Variants in NIPBL observed in about 807,000 individuals in gnomAD.
NIPBL encodes the protein NIPBL cohesin loading factor.
Under a neutral mutation model 321.8 loss-of-function variants are expected in NIPBL, and 19 were observed. That is an observed-to-expected ratio of 0.06 (90% CI 0.04 to 0.09). The LOEUF (loss-of-function observed/expected upper bound fraction) is 0.09, where lower values mean the gene tolerates loss of function less well. Ranked by LOEUF, NIPBL falls within the 10% of genes least tolerant of loss-of-function variation. NIPBL has a pLI of 1.00. For synonymous variants in NIPBL, 1,106 were observed against 1,114.1 expected (o/e 0.99, Z 0.14); for missense variants, 2,210 against 3,327.0 (o/e 0.66, Z 8.26).
intron 9 of NIPBL, among the ~76,000 whole-genome samples, chr5:36,980,625 G>A (rs1314103025): frequency 1.3e-5 from 2 of 151,468 alleles, no homozygotes; most frequent in African/African-American, 4.8e-5. Flanking sequence ...TTATAGCCTG[G>A]GAGCAATAAG....
intron 40 of NIPBL, among the ~76,000 whole-genome samples, chr5:37,049,642 A>C (rs1016795816): frequency 2.6e-5 from 4 of 152,242 alleles, no homozygotes; most frequent in African/African-American, 9.6e-5. Context: ...AACTGGGTTT[A>C]AAAGTATAAT....
chr5:37,020,423 T>G (rs1436972260), intron 25 of NIPBL, 36 bp from the exon 26 acceptor site: 2 of 1,412,412 alleles, frequency 1.4e-6, no homozygotes, highest in Admixed American at 1.7e-5. Flanking sequence ...TTGTTGCTAA[T>G]TTCATCAAGC....
intron 43 of NIPBL, 67 bp downstream of exon 43, chr5:37,057,399 T>C (rs1038203142): frequency 2.8e-6 from 4 of 1,438,272 alleles, no homozygotes; most frequent in African/African-American, 1.4e-5. Flanking sequence ...TTCACTGTTT[T>C]GTTTCTCATT....
chr5:37,041,908 TCAAATGAATATCTTACC>T (rs1752430585), intron 34 of NIPBL, among the ~76,000 whole-genome samples: 1 of 151,864 alleles, frequency 6.6e-6, no homozygotes, highest in African/African-American at 2.4e-5. Context: ...GCACTGGTTC[TCAAATGAATATCTTACC>T]CAACAAAAAT....
intron 4 of NIPBL, among the ~76,000 whole-genome samples, chr5:36,958,702 A>G (rs1008672866): frequency 6.6e-6 from 1 of 152,114 alleles, no homozygotes. Flanking sequence ...AAATTGATTC[A>G]TGGTATTATA....
At chr5:36,961,378 TC>T in intron 4 of NIPBL, 105 bp from the exon 5 acceptor site, 1 of 757,730 alleles carries the variant, frequency 1.3e-6, no homozygotes, top group Non-Finnish European at 2.4e-6. Context: ...AAAACATTGA[TC>T]AAAAAAATCT....
intron 45 of NIPBL, among the ~76,000 whole-genome samples, chr5:37,062,368 T>A (rs1359346124): frequency 1.3e-5 from 2 of 152,208 alleles, no homozygotes; most frequent in African/African-American, 2.4e-5. Context: ...TATGTTCTTA[T>A]ATGAGTAATG....
At chr5:36,983,663 A>G (rs762462896) in intron 9 of NIPBL, among the ~76,000 whole-genome samples, 4 of 152,022 alleles carry the variant, frequency 2.6e-5, no homozygotes, top group Non-Finnish European at 4.4e-5. Flanking sequence ...TCAAGGTGCT[A>G]TAATGTAACC....
At chr5:36,988,017 T>A (rs1282160783) in intron 10 of NIPBL, among the ~76,000 whole-genome samples, 1 of 152,130 alleles carries the variant, frequency 6.6e-6, no homozygotes. Context: ...TGGTACCCTC[T>A]TGTTCCTTTG....
In NIPBL at chr5:36,952,018, C is replaced by CTGTGTGTGTGTGTGTG. The variant is rs60067315; in HGVS notation, c.-79-1579_-79-1564dup. On this transcript the variant is annotated intron_variant, in intron 1 of 46. Coordinates refer to ENST00000282516, the MANE Select transcript of NIPBL (RefSeq NM_133433.4). ...ATGCTTACTTTATAACTCTGTTAAA[C>CTGTGTGTGTGTGTGTG]TGTGTGTGTGTGTGTGTGTGTGTGT... 6.5e-3 allele frequency among the ~76,000 whole-genome samples: 659 copies of CTGTGTGTGTGTGTGTG among 101,822 alleles called. 5 individuals are homozygous for CTGTGTGTGTGTGTGTG. The highest frequency in any genetic ancestry group is 0.013 in the East Asian group (33 of 2,576). 66.8% of individuals were successfully genotyped at this position (101,822 alleles called of 152,430 possible).
At chr5:36,888,239 CT>C (rs1746063753) in intron 1 of NIPBL, among the ~76,000 whole-genome samples, 1 of 152,086 alleles carries the variant, frequency 6.6e-6, no homozygotes. Context: ...AAGGTGTAAT[CT>C]TTAGTAACAG....
At position 37,017,149 on chromosome 5, in the gene NIPBL, G is replaced by T. The variant is rs886042731; in HGVS notation, c.4907G>T (p.Arg1636Leu). Residue 1636 changes from arginine (R) to leucine (L), a missense_variant, in exon 24 of 47, where the codon CGC becomes CTC. By Grantham distance (102) the Arg-to-Leu change is moderately radical (BLOSUM62 -2). Around this residue, in one of 14 missense-constraint regions of NIPBL, gnomAD observed 138 missense variants for 175.8 expected, o/e 0.79. Transcript: ENST00000282516. ...AAAATGGATCAAGGATCTATAGAAC[G>T]CATTTTAAAACAGGTACTAAGATAA... The part of the protein sequence containing the change: ...TSKMDQGSIE[R>L]ILKQVSGGED... 2.5e-5 allele frequency: 41 copies of T among 1,610,294 alleles called. No homozygotes were observed. Among genetic ancestry groups the T allele is most frequent in the Non-Finnish European group, 3.4e-5 (40 of 1,177,232 alleles).
chr5:36,886,548 C>A, intron 1 of NIPBL: 3 of 666,402 alleles, frequency 4.5e-6, no homozygotes, highest in Non-Finnish European at 8.1e-6. Flanking sequence ...ATAAAATGTT[C>A]AGAGGTCATT....
intron 32 of NIPBL, 97 bp downstream of exon 32, chr5:37,027,509 C>CTAAAAAGGTT: frequency 1.2e-6 from 1 of 832,066 alleles, no homozygotes; most frequent in Non-Finnish European, 2.0e-6. Flanking sequence ...TTTAAAAGAA[C>CTAAAAAGGTT]CTTTTTAGTT....
At chr5:37,035,736 A>G (rs1425636059) in intron 32 of NIPBL, among the ~76,000 whole-genome samples, 1 of 152,224 alleles carries the variant, frequency 6.6e-6, no homozygotes, top group Non-Finnish European at 1.5e-5. Context: ...ATACACATTT[A>G]GATTCCTTCA....
intron 32 of NIPBL, among the ~76,000 whole-genome samples, chr5:37,030,171 A>AG (rs1218636725): frequency 6.6e-6 from 1 of 152,164 alleles, no homozygotes; most frequent in Non-Finnish European, 1.5e-5. Flanking sequence ...CTTAACAATG[A>AG]TAGTTTTACT....
At chr5:36,934,798 A>C (rs931860780) in intron 1 of NIPBL, among the ~76,000 whole-genome samples, 1 of 152,158 alleles carries the variant, frequency 6.6e-6, no homozygotes, top group Non-Finnish European at 1.5e-5. Flanking sequence ...TTGAAGAGCT[A>C]TAGGTAGACC....
At chr5:36,898,846 T>A (rs956527714) in intron 1 of NIPBL, among the ~76,000 whole-genome samples, 1 of 152,194 alleles carries the variant, frequency 6.6e-6, no homozygotes, top group Non-Finnish European at 1.5e-5. Context: ...TAAACTTTTT[T>A]TAAAATTTAG....
At chr5:37,019,577 A>G (rs969488371) in intron 25 of NIPBL, among the ~76,000 whole-genome samples, 177 bp downstream of exon 25, 3 of 152,220 alleles carry the variant, frequency 2.0e-5, no homozygotes, top group Non-Finnish European at 4.4e-5. Context: ...GATTTGTCTT[A>G]TATGGAATTC....
Sources: allele counts gnomAD v4.1 joint callset (sites outside exome capture counted in the v4.1 genomes callset), GRCh38; gene constraint gnomAD v4.1.1; regional missense constraint gnomAD v4.1.1; transcripts MANE v1.5; gene names NCBI Gene and HGNC (gene_info 2026-07-23, HGNC 2026-07-21).